The following C12orf42 variants were observed in gnomAD, a reference collection of about 807,000 sequenced individuals.
C12orf42 encodes the protein uncharacterized protein C12orf42.
A neutral mutation model predicts 21.6 loss-of-function variants in C12orf42; 25 were observed. The observed-to-expected ratio is 1.16, with a 90% CI of 0.84 to 1.62. The LOEUF is 1.62. Ranked by LOEUF, C12orf42 falls within the 40% of genes most tolerant of loss-of-function variation. The pLI is 0.00. For synonymous variants in C12orf42, 174 were observed against 175.0 expected (o/e 0.99, Z 0.05); for missense variants, 483 against 459.3 (o/e 1.05, Z -0.47).
intron 1 of C12orf42, among the ~76,000 whole-genome samples, chr12:103,491,055 T>C (rs1400804577): frequency 4.6e-5 from 7 of 152,278 alleles, no homozygotes; most frequent in African/African-American, 1.4e-4. Context: ...ATTAGAAAAA[T>C]TTCACCAGTG....
chr12:103,470,605 C>T (rs1953519351), intron 2 of C12orf42, among the ~76,000 whole-genome samples: 1 of 152,188 alleles, frequency 6.6e-6, no homozygotes, highest in Admixed American at 6.5e-5. Context: ...AGGTTTGTGA[C>T]TGCTTTGACC....
chr12:103,247,384 T>A (rs111958103), intron 10 of C12orf42, among the ~76,000 whole-genome samples: 170 of 152,058 alleles, frequency 1.1e-3, no homozygotes, highest in African/African-American at 4.0e-3. Flanking sequence ...GGTAAATAAA[T>A]TTGTCTAACA....
At position 103,306,045 on chromosome 12, in the gene C12orf42, GCCT is replaced by G. The variant is rs1173288053; in HGVS notation, c.557_559del (p.Glu186del). On this transcript the variant is annotated inframe_deletion, in exon 5 of 6. Transcript: ENST00000548883. ...GTGTCTACTGATGTGTATGCCCTGAGCCTCCAGGTGAACAGGATTTACTGAGTG... is the reference window on the plus strand; with the variant it reads ...GTGTCTACTGATGTGTATGCCCTGAGCCAGGTGAACAGGATTTACTGAGTG... The G allele has an allele frequency of 1.9e-6, 3 of 1,613,960 alleles. No homozygotes were observed. The highest frequency in any genetic ancestry group is 2.5e-6 in the Non-Finnish European group (3 of 1,179,844).
chr12:103,165,155 A>G, the C12orf42 span, among the ~76,000 whole-genome samples: 34 of 152,220 alleles, frequency 2.2e-4, no homozygotes, highest in Non-Finnish European at 4.6e-4. Flanking sequence ...GTCTGTTCCT[A>G]TTTATGCCAC....
the C12orf42 span, among the ~76,000 whole-genome samples, chr12:103,102,005 A>G: frequency 6.6e-6 from 1 of 152,192 alleles, no homozygotes; most frequent in Non-Finnish European, 1.5e-5. Flanking sequence ...TGAGGCCTAG[A>G]GTTAGAACTG....
At chr12:103,297,014 T>C (rs544364354), downstream of C12orf42, among the ~76,000 whole-genome samples, 445 of 152,362 alleles carry the variant, frequency 2.9e-3, no homozygotes, top group Non-Finnish European at 4.2e-3. Context: ...AAGACTTTAA[T>C]CCATCTTGAA....
At chr12:103,144,790 C>G in the C12orf42 span, among the ~76,000 whole-genome samples, 1 of 152,098 alleles carries the variant, frequency 6.6e-6, no homozygotes, top group Non-Finnish European at 1.5e-5. Context: ...ACTTGGGCAA[C>G]TTAAGCAGAA....
chr12:103,218,357 G>C, the C12orf42 span, among the ~76,000 whole-genome samples: 3 of 151,948 alleles, frequency 2.0e-5, no homozygotes, highest in African/African-American at 4.8e-5. Flanking sequence ...GACTAAACCT[G>C]GTTTTAGCTA....
chr12:103,116,279 G>T, the C12orf42 span, among the ~76,000 whole-genome samples: 1 of 151,356 alleles, frequency 6.6e-6, no homozygotes, highest in African/African-American at 2.4e-5. Flanking sequence ...CGGGAAAATC[G>T]CTTGAACCTG....
chr12:103,302,394 A>C lies in C12orf42; in HGVS notation c.797T>G (p.Leu266Arg). The part of the protein sequence containing the change: ...AHPDDIQSRL[L>R]GASGNPVGKG... ...TCCGACGGGATTTCCGGACGCGCCC[A>C]GGAGTCTGCTTTGGATGTCGTCGGG... Residue 266 changes from leucine to arginine, a missense_variant, in exon 6 of 6, where the codon CTG becomes CGG. Coordinates refer to ENST00000548883, the MANE Select transcript of C12orf42 (RefSeq NM_198521.5). 6.2e-7 allele frequency: 1 copy of C among 1,613,898 alleles called. No individual in the cohort carries two copies. The highest frequency in any genetic ancestry group is 8.5e-7 in the Non-Finnish European group (1 of 1,179,870).
chr12:103,484,499 C>T (rs975823218), intron 1 of C12orf42, among the ~76,000 whole-genome samples: 1 of 151,928 alleles, frequency 6.6e-6, no homozygotes. Context: ...GCCCACTTTT[C>T]AATGGGGTTG....
At chr12:103,248,426 C>G (rs987333374) in intron 10 of C12orf42, among the ~76,000 whole-genome samples, 2 of 151,886 alleles carry the variant, frequency 1.3e-5, no homozygotes, top group African/African-American at 4.8e-5. Flanking sequence ...TCGGAGCCAA[C>G]CAATAATTCA....
chr12:103,499,317 A>C (rs1955658579), upstream of C12orf42, among the ~76,000 whole-genome samples: 1 of 152,240 alleles, frequency 6.6e-6, no homozygotes, highest in Admixed American at 6.5e-5. Flanking sequence ...CTTGATTGTC[A>C]TCATTTCACA....
chr12:103,052,347 T>C, the C12orf42 span, among the ~76,000 whole-genome samples: 1 of 152,166 alleles, frequency 6.6e-6, no homozygotes, highest in Non-Finnish European at 1.5e-5. Context: ...TTCTCACCAA[T>C]TCTTGGTATT....
chr12:103,148,328 G>A, the C12orf42 span, among the ~76,000 whole-genome samples: 3 of 151,906 alleles, frequency 2.0e-5, no homozygotes, highest in Admixed American at 1.3e-4. Context: ...ATTTGACTTC[G>A]GTGTTACCAA....
chr12:103,156,804 T>A, the C12orf42 span, among the ~76,000 whole-genome samples: 9 of 152,284 alleles, frequency 5.9e-5, no homozygotes, highest in South Asian at 1.7e-3. Context: ...AGGACATGAT[T>A]TCATTCCTTT....
intron 10 of C12orf42, among the ~76,000 whole-genome samples, chr12:103,244,508 A>C (rs545876940): frequency 6.6e-6 from 1 of 151,888 alleles, no homozygotes; most frequent in East Asian, 1.9e-4. Flanking sequence ...TTCTCTGTCA[A>C]CTGTAAATAT....
At chr12:103,327,081 A>T (rs569648321) in intron 4 of C12orf42, among the ~76,000 whole-genome samples, 34 of 152,348 alleles carry the variant, frequency 2.2e-4, no homozygotes, top group African/African-American at 8.2e-4. Context: ...CATTCCTGGC[A>T]GGGAGGGGAC....
the C12orf42 span, among the ~76,000 whole-genome samples, chr12:103,087,876 G>A: frequency 6.6e-6 from 1 of 152,154 alleles, no homozygotes; most frequent in South Asian, 2.1e-4. Flanking sequence ...AACACTGTAG[G>A]TAATGTTATG....
Sources: gnomAD v4.1 joint callset for allele counts (sites outside exome capture counted in the v4.1 genomes callset) on GRCh38, gnomAD v4.1.1 for gene constraint, MANE v1.5 for transcripts, NCBI Gene and HGNC (gene_info 2026-07-23, HGNC 2026-07-21) for gene names.